PEDS1: variants seen among roughly 807,000 people sequenced by gnomAD.
The protein encoded by PEDS1 is plasmanylethanolamine desaturase 1, also known as CarF homolog.
PEDS1 carries 14 observed loss-of-function variants against 35.2 expected under a neutral mutation model. The observed-to-expected ratio is 0.40, with a 90% CI of 0.26 to 0.62. The LOEUF (loss-of-function observed/expected upper bound fraction) is 0.62. Among genes scored for constraint, PEDS1 ranks in the 20% least tolerant of loss-of-function variants. The pLI, the probability that PEDS1 is intolerant of heterozygous loss-of-function variation, is 0.44. For missense variants in PEDS1, 260 were observed against 367.8 expected (o/e 0.71, Z 2.40); for synonymous variants, 152 against 152.0 (o/e 1.00, Z 0.00).
intron 2 of PEDS1, among the ~76,000 whole-genome samples, chr20:50,141,475 C>A (rs1404079167): frequency 6.6e-6 from 1 of 152,220 alleles, no homozygotes; most frequent in Non-Finnish European, 1.5e-5. Flanking sequence ...AGCACTTAGG[C>A]ACACCTGCAT....
intron 1 of PEDS1, among the ~76,000 whole-genome samples, chr20:50,152,688 T>C (rs1008579724): frequency 6.6e-6 from 1 of 151,664 alleles, no homozygotes; most frequent in Non-Finnish European, 1.5e-5. Context: ...CTGGGGAATA[T>C]GGGGGTTCCA....
chr20:50,120,298 A>AACAAACAAACAG lies in PEDS1; in HGVS notation c.*4759_*4760insCTGTTTGTTTGT. The AACAAACAAACAG allele has an allele frequency of 4.7e-6, 1 of 214,764 alleles. No individual in the cohort carries two copies. The highest frequency in any genetic ancestry group is 4.1e-5 in the Admixed American group (1 of 24,242). 13.3% of individuals were successfully genotyped at this position (214,764 alleles called of 1,614,324 possible). ...AAACAAACAAACAAACAAACAAACA[A>AACAAACAAACAG]CCCACAAAAGCTTCTGAGCTATAGA... On this transcript the variant is annotated 3_prime_UTR_variant, in exon 6 of 6. Transcript: ENST00000371652.
At chr20:50,126,502 T>G (rs1419301499) in intron 5 of PEDS1, among the ~76,000 whole-genome samples, 1 of 152,150 alleles carries the variant, frequency 6.6e-6, no homozygotes, top group African/African-American at 2.4e-5. Context: ...TAAAAAAAAA[T>G]AGTAGCTGTA....
In PEDS1 at chr20:50,146,258, C is replaced by A. The variant is rs1313912789; in HGVS notation, c.122-2637G>T. ...GTTCCTGCAGATCTCACCCTGGAAACCTCCATCTCCAGGAAGCCATCCATG... is the reference window on the plus strand; with the variant it reads ...GTTCCTGCAGATCTCACCCTGGAAAACTCCATCTCCAGGAAGCCATCCATG... On this transcript the variant is annotated intron_variant, in intron 1 of 5. Coordinates refer to ENST00000371652, the MANE Select transcript of PEDS1 (RefSeq NM_199129.4). Among the ~76,000 whole-genome samples, 6 of 152,294 alleles carry A rather than the reference C, an allele frequency of 3.9e-5. No individual in the cohort carries two copies. The East Asian group carries it at 1.2e-3, about 29-fold the overall frequency.
At chr20:50,134,067 T>A (rs1048765990) in intron 2 of PEDS1, among the ~76,000 whole-genome samples, 1 of 152,236 alleles carries the variant, frequency 6.6e-6, no homozygotes, top group African/African-American at 2.4e-5. Flanking sequence ...GGCCAAGAGC[T>A]ATGACAGAAC....
intron 1 of PEDS1, among the ~76,000 whole-genome samples, chr20:50,149,475 C>G (rs1353087542): frequency 1.3e-5 from 2 of 152,172 alleles, no homozygotes; most frequent in Admixed American, 6.5e-5. Context: ...GCCTGCCAAG[C>G]TGGCCAGGCC....
intron 3 of PEDS1, among the ~76,000 whole-genome samples, chr20:50,130,109 G>A (rs115353451): frequency 0.017 from 2,604 of 152,208 alleles, 63 homozygotes; most frequent in African/African-American, 0.052. Flanking sequence ...GGCTGACCTC[G>A]CCCCGGGCTG....
At position 50,153,509 on chromosome 20, in the gene PEDS1, G is replaced by T; in HGVS notation, c.121+8C>A. Reference sequence around the variant, plus strand: ...CCGCAGGCCTGGAGGGGGGCCCAGAGGTCTTACCTGGCGAGTAGAGCGCAG... The same window carrying T: ...CCGCAGGCCTGGAGGGGGGCCCAGATGTCTTACCTGGCGAGTAGAGCGCAG... On this transcript the variant is annotated splice_region_variant and intron_variant, in intron 1 of 5. Coordinates refer to ENST00000371652, the MANE Select transcript of PEDS1 (RefSeq NM_199129.4). 7.2e-7 allele frequency: 1 copy of T among 1,386,102 alleles called. No individual in the cohort carries two copies. The allele number at this position is 1,386,102 out of a possible 1,614,324, so 85.9% of individuals were successfully genotyped here.
intron 1 of PEDS1, among the ~76,000 whole-genome samples, chr20:50,144,574 C>T (rs1321585158): frequency 6.6e-6 from 1 of 152,214 alleles, no homozygotes; most frequent in African/African-American, 2.4e-5. Flanking sequence ...ACATAGTTTT[C>T]ACAGACACAC....
Position 50,129,622 on chromosome 20 carries a change from C to T in PEDS1, c.402G>A (p.Glu134=). The change falls in exon 4 of 6, where the codon GAG becomes GAA. Residue 134 remains glutamate, a synonymous_variant. Coordinates refer to ENST00000371652, the MANE Select transcript of PEDS1 (RefSeq NM_199129.4). The surrounding 1 kb of genome is among the most constrained non-coding windows in gnomAD (Gnocchi z 4.2). ...PTAITRHDFI[E]TNGDNCLVTL... is the part of the protein sequence containing the mutation. ...TCACCAGGCAGTTGTCCCCGTTGGTCTCGATGAAGTCGTGCCGTGTGATAG... is the reference window on the plus strand; with the variant it reads ...TCACCAGGCAGTTGTCCCCGTTGGTTTCGATGAAGTCGTGCCGTGTGATAG... 6.2e-7 allele frequency: 1 copy of T among 1,614,078 alleles called. No homozygotes were observed. The highest frequency in any genetic ancestry group is 8.5e-7 in the Non-Finnish European group (1 of 1,180,024).
At chr20:50,146,314 A>C (rs562531167) in intron 1 of PEDS1, among the ~76,000 whole-genome samples, 38 of 152,090 alleles carry the variant, frequency 2.5e-4, no homozygotes, top group African/African-American at 8.0e-4. Context: ...CTCCCCCCAC[A>C]CGAGGCCCAT....
intron 1 of PEDS1, among the ~76,000 whole-genome samples, chr20:50,150,950 C>T (rs1251881346): frequency 6.6e-6 from 1 of 152,178 alleles, no homozygotes; most frequent in African/African-American, 2.4e-5. Flanking sequence ...CCCACCTCGG[C>T]CTCCCAAAGT....
chr20:50,132,802 T>G (rs1368440090), intron 2 of PEDS1, among the ~76,000 whole-genome samples: 1 of 152,194 alleles, frequency 6.6e-6, no homozygotes, highest in Non-Finnish European at 1.5e-5. Flanking sequence ...CAGGCCATAT[T>G]ACTGTTGCTG....
chr20:50,145,588 G>A (rs763344030), intron 1 of PEDS1, among the ~76,000 whole-genome samples: 1 of 152,034 alleles, frequency 6.6e-6, no homozygotes, highest in Non-Finnish European at 1.5e-5. Flanking sequence ...CCAGCTACTC[G>A]GGAGAGGCAG....
intron 2 of PEDS1, among the ~76,000 whole-genome samples, chr20:50,131,495 G>A (rs528784258): frequency 7.9e-5 from 12 of 151,872 alleles, no homozygotes; most frequent in South Asian, 6.3e-4. Flanking sequence ...GGTGGCATGC[G>A]CCTGTAGTCT....
At chr20:50,148,843 G>T (rs776300456) in intron 1 of PEDS1, among the ~76,000 whole-genome samples, 2 of 152,174 alleles carry the variant, frequency 1.3e-5, no homozygotes, top group Non-Finnish European at 2.9e-5. Context: ...GAGTGCCGCG[G>T]CTCATGCCTG....
Position 50,120,452 on chromosome 20 carries a change from T to C in PEDS1, c.*4606A>G, listed in dbSNP as rs2147259729. On this transcript the variant is annotated 3_prime_UTR_variant, in exon 6 of 6. Coordinates refer to ENST00000371652, the MANE Select transcript of PEDS1 (RefSeq NM_199129.4). ...ATTCTTTACCTATGCAAGCATTACC[T>C]ATTGCTTATATAGCAATATATATAT... 1 of 151,912 alleles carries C rather than the reference T, an allele frequency of 6.6e-6. No homozygotes were observed. Among genetic ancestry groups the C allele is most frequent in the South Asian group, 2.1e-4 (1 of 4,802 alleles). 9.4% of individuals were successfully genotyped at this position (151,912 alleles called of 1,614,324 possible).
chr20:50,147,564 C>A (rs2081358536), intron 1 of PEDS1, among the ~76,000 whole-genome samples: 1 of 152,156 alleles, frequency 6.6e-6, no homozygotes. Context: ...GGGTTTGGAT[C>A]CCAGACACAT....
At chr20:50,142,313 C>T (rs564559904) in intron 2 of PEDS1, among the ~76,000 whole-genome samples, 2 of 152,310 alleles carry the variant, frequency 1.3e-5, no homozygotes, top group African/African-American at 4.8e-5. Flanking sequence ...GTGAATGAAA[C>T]AGACAAAAAT....
Sources: gnomAD v4.1 joint callset for allele counts (sites outside exome capture counted in the v4.1 genomes callset) on GRCh38, gnomAD v4.1.1 for gene constraint, Gnocchi (gnomAD v3.1) non-coding constraint, MANE v1.5 for transcripts, NCBI Gene and HGNC (gene_info 2026-07-23, HGNC 2026-07-21) for gene names.